Variants in LINGO2 observed in about 807,000 individuals in gnomAD.
LINGO2 encodes the protein leucine-rich repeat and immunoglobulin-like domain-containing nogo receptor-interacting protein 2.
LINGO2 carries 14 observed loss-of-function variants against 30.6 expected under a neutral mutation model. The ratio of observed to expected loss-of-function variants is 0.46; its 90% confidence interval spans 0.30 to 0.72. The LOEUF is 0.72. Among genes scored for constraint, LINGO2 ranks in the 30% least tolerant of loss-of-function variants. The pLI is 0.07. For missense variants in LINGO2, 729 were observed against 751.7 expected, an observed-to-expected ratio of 0.97 and a Z score of 0.35; for synonymous variants, 317 against 288.5, an observed-to-expected ratio of 1.10 and a Z score of -1.00.
intron 4 of LINGO2, among the ~76,000 whole-genome samples, chr9:28,080,150 A>C (rs1318806232): frequency 1.3e-5 from 2 of 152,230 alleles, no homozygotes; most frequent in African/African-American, 4.8e-5. Flanking sequence ...TATGCCTCCC[A>C]TGGGACATGT....
chr9:28,788,556 T>C, the LINGO2 span, among the ~76,000 whole-genome samples: 1 of 152,134 alleles, frequency 6.6e-6, no homozygotes, highest in East Asian at 1.9e-4. Context: ...CAAGACTGGG[T>C]AATTTATAAA....
At chr9:29,133,723 A>G in the LINGO2 span, among the ~76,000 whole-genome samples, 77 of 152,270 alleles carry the variant, frequency 5.1e-4, no homozygotes, top group African/African-American at 1.8e-3. Context: ...CTACTTGCTA[A>G]AGAACACGCT....
At chr9:29,132,130 C>T in the LINGO2 span, among the ~76,000 whole-genome samples, 7 of 151,934 alleles carry the variant, frequency 4.6e-5, no homozygotes, top group South Asian at 1.0e-3. Context: ...GAGTGTGCCA[C>T]AAGTCAGCAT....
the LINGO2 span, among the ~76,000 whole-genome samples, chr9:28,869,759 G>C: frequency 1.3e-5 from 2 of 151,758 alleles, no homozygotes; most frequent in Non-Finnish European, 2.9e-5. Flanking sequence ...AGGTGATTTT[G>C]GACAACAATG....
chr9:28,055,577 G>C (rs185610753), intron 4 of LINGO2, among the ~76,000 whole-genome samples: 46 of 152,268 alleles, frequency 3.0e-4, no homozygotes, highest in African/African-American at 9.1e-4. Flanking sequence ...GAAGTGTAAG[G>C]CTTCAGTCTA....
chr9:28,234,512 A>G (rs1437189820), intron 4 of LINGO2, among the ~76,000 whole-genome samples: 1 of 152,162 alleles, frequency 6.6e-6, no homozygotes, highest in Non-Finnish European at 1.5e-5. Flanking sequence ...AGGCAGACCC[A>G]CTCTCAATCT....
At chr9:28,923,176 C>T in the LINGO2 span, among the ~76,000 whole-genome samples, 1 of 152,110 alleles carries the variant, frequency 6.6e-6, no homozygotes, top group African/African-American at 2.4e-5. Context: ...ATTTTCAGCC[C>T]AGGAAAACTA....
chr9:27,955,706 G>A (rs568326983), intron 5 of LINGO2, among the ~76,000 whole-genome samples: 3 of 151,862 alleles, frequency 2.0e-5, no homozygotes, highest in African/African-American at 2.4e-5. Context: ...GGAAGCTTGG[G>A]CTGTGTCCAA....
At chr9:28,327,171 A>G (rs940612806) in intron 3 of LINGO2, among the ~76,000 whole-genome samples, 3 of 151,896 alleles carry the variant, frequency 2.0e-5, no homozygotes, top group African/African-American at 7.3e-5. Flanking sequence ...CTCCCTAGAC[A>G]CTCATTCTGC....
chr9:28,704,702 T>C, the LINGO2 span, among the ~76,000 whole-genome samples: 3 of 152,116 alleles, frequency 2.0e-5, no homozygotes, highest in Non-Finnish European at 4.4e-5. Flanking sequence ...GTGAATCAAA[T>C]GCATTTTCAT....
At chr9:28,911,418 A>C in the LINGO2 span, among the ~76,000 whole-genome samples, 1 of 152,018 alleles carries the variant, frequency 6.6e-6, no homozygotes, top group Non-Finnish European at 1.5e-5. Context: ...GGTACATATA[A>C]AAAATTTTCT....
At chr9:28,325,418 A>C (rs1825192772) in intron 3 of LINGO2, among the ~76,000 whole-genome samples, 1 of 152,008 alleles carries the variant, frequency 6.6e-6, no homozygotes, top group East Asian at 1.9e-4. Context: ...AAGTACCAAT[A>C]AGAAAACACA....
downstream of LINGO2, among the ~76,000 whole-genome samples, chr9:27,945,640 C>A (rs2118198732): frequency 6.6e-6 from 1 of 152,228 alleles, no homozygotes; most frequent in South Asian, 2.1e-4. Flanking sequence ...TAGTTGGCCC[C>A]TGTGCTGGTA....
the LINGO2 span, among the ~76,000 whole-genome samples, chr9:28,770,562 G>A: frequency 1.3e-4 from 20 of 152,086 alleles, no homozygotes; most frequent in African/African-American, 3.6e-4. Flanking sequence ...TCTGTCTTCC[G>A]AAAATTCTAC....
At chr9:28,567,797 AT>A (rs1823461176) in intron 1 of LINGO2, among the ~76,000 whole-genome samples, 1 of 101,606 alleles carries the variant, frequency 9.8e-6, no homozygotes, top group African/African-American at 3.9e-5. Context: ...TGAATCTAAA[AT>A]AAATAAATAA....
At chr9:28,778,201 A>G in the LINGO2 span, among the ~76,000 whole-genome samples, 1 of 152,190 alleles carries the variant, frequency 6.6e-6, no homozygotes, top group African/African-American at 2.4e-5. Flanking sequence ...AACTAATAGT[A>G]TATTTCCATG....
chr9:28,931,238 C>T, the LINGO2 span, among the ~76,000 whole-genome samples: 8 of 152,232 alleles, frequency 5.3e-5, no homozygotes, highest in South Asian at 2.1e-4. Flanking sequence ...GTTTTGAGTA[C>T]GTGAAAACCC....
intron 1 of LINGO2, among the ~76,000 whole-genome samples, chr9:28,565,027 A>G (rs994879972): frequency 3.3e-5 from 5 of 152,046 alleles, no homozygotes; most frequent in African/African-American, 1.2e-4. Flanking sequence ...CAAATTTACA[A>G]ACTGAAATTC....
chr9:28,309,885 A>C (rs1824541610), intron 3 of LINGO2, among the ~76,000 whole-genome samples: 1 of 152,128 alleles, frequency 6.6e-6, no homozygotes, highest in Non-Finnish European at 1.5e-5. Flanking sequence ...GGCTACATGG[A>C]TGGCACATCA....
Sources: allele counts gnomAD v4.1 joint callset (sites outside exome capture counted in the v4.1 genomes callset), GRCh38; gene constraint gnomAD v4.1.1; transcripts MANE v1.5; gene names NCBI Gene and HGNC (gene_info 2026-07-23, HGNC 2026-07-21).